Variants in EPHA3 observed in about 807,000 individuals in gnomAD.
EPHA3 encodes the protein ephrin type-A receptor 3.
Under a neutral mutation model 107.1 loss-of-function variants are expected in EPHA3, and 42 were observed. That is an observed-to-expected ratio of 0.39 (90% CI 0.31 to 0.51). EPHA3 has a LOEUF of 0.51. Among genes scored for constraint, EPHA3 ranks in the 20% least tolerant of loss-of-function variants. The probability of loss-of-function intolerance (pLI) is 0.78; values close to 1 mark genes in which losing one functional copy is unlikely to be tolerated. For missense variants in EPHA3, 1,183 were observed against 1,211.2 expected (o/e 0.98, Z 0.35); for synonymous variants, 461 against 424.8 (o/e 1.09, Z -1.05).
At chr3:89,367,348 C>T (rs1708204654) in intron 5 of EPHA3, among the ~76,000 whole-genome samples, 1 of 150,446 alleles carries the variant, frequency 6.6e-6, no homozygotes, top group South Asian at 2.1e-4. Flanking sequence ...AGGATGTTTC[C>T]CATTTCTTCA....
intron 9 of EPHA3, 139 bp from the exon 10 acceptor site, chr3:89,413,002 G>A (rs1179325669): frequency 9.0e-7 from 1 of 1,107,572 alleles, no homozygotes; most frequent in African/African-American, 1.6e-5. Flanking sequence ...GCCAGTTTCT[G>A]TGATACTACA....
At chr3:89,117,178 T>C (rs1707277747) in intron 1 of EPHA3, among the ~76,000 whole-genome samples, 1 of 152,116 alleles carries the variant, frequency 6.6e-6, no homozygotes, top group Non-Finnish European at 1.5e-5. Flanking sequence ...AGAAGGTTAA[T>C]ATAGGTTTTT....
Position 89,302,310 on chromosome 3 carries a change from T to A in EPHA3, c.815-38606T>A, listed in dbSNP as rs561498048. ...GTGACATGGTTTTCCCTACTTACAG[T>A]TCCTTTCCCTTCATTCATAACCTTT... On this transcript the variant is annotated intron_variant, in intron 3 of 16. Transcript: ENST00000336596. 6.4e-4 allele frequency among the ~76,000 whole-genome samples: 98 copies of A among 152,178 alleles called. 2 individuals carry two copies. The highest frequency in any genetic ancestry group is 2.5e-4 in the Non-Finnish European group (17 of 68,000).
At chr3:89,283,746 T>C (rs768563758) in intron 3 of EPHA3, among the ~76,000 whole-genome samples, 2 of 152,134 alleles carry the variant, frequency 1.3e-5, no homozygotes, top group African/African-American at 4.8e-5. Context: ...AGAATTGATG[T>C]TCTATAAACA....
intron 3 of EPHA3, among the ~76,000 whole-genome samples, chr3:89,236,678 A>T (rs1299320960): frequency 1.3e-5 from 2 of 151,926 alleles, no homozygotes; most frequent in Non-Finnish European, 2.9e-5. Flanking sequence ...ACATGTATAC[A>T]TATGTAACTA....
At chr3:89,474,366 C>G (rs1474055550) in intron 16 of EPHA3, among the ~76,000 whole-genome samples, 1 of 152,150 alleles carries the variant, frequency 6.6e-6, no homozygotes, top group Non-Finnish European at 1.5e-5. Context: ...CGACAGTACA[C>G]TTGGGTTTCT....
intron 3 of EPHA3, among the ~76,000 whole-genome samples, chr3:89,271,989 T>C (rs1705680424): frequency 6.6e-6 from 1 of 151,924 alleles, no homozygotes; most frequent in African/African-American, 2.4e-5. Context: ...ATTTAATAAA[T>C]AGCAAATATA....
At chr3:89,459,870 G>A (rs781334602) in intron 15 of EPHA3, among the ~76,000 whole-genome samples, 2 of 152,058 alleles carry the variant, frequency 1.3e-5, no homozygotes, top group African/African-American at 4.8e-5. Flanking sequence ...ATGCCACCAT[G>A]AAAATAAATA....
In EPHA3 at chr3:89,481,579, A is replaced by G; in HGVS notation, c.*2077A>G. The G allele has an allele frequency of 4.3e-6, 1 of 232,676 alleles. No individual in the cohort carries two copies. Among genetic ancestry groups the G allele is most frequent in the Non-Finnish European group, 8.5e-6 (1 of 117,498 alleles). The allele number at this position is 232,676 out of a possible 1,614,324, so 14.4% of individuals were successfully genotyped here. A position where few individuals can be genotyped will look rare whatever the true frequency, so the allele number is the denominator to read the frequency against. ...ACCCATGCATTTCATAAACTAATAG[A>G]AGTTGAGGATTGTTGAATCTATTTC... On this transcript the variant is annotated 3_prime_UTR_variant, in exon 17 of 17. Coordinates refer to ENST00000336596, the MANE Select transcript of EPHA3 (RefSeq NM_005233.6).
intron 16 of EPHA3, 81 bp from the exon 17 acceptor site, chr3:89,479,316 G>A: frequency 9.2e-7 from 1 of 1,082,748 alleles, no homozygotes; most frequent in Non-Finnish European, 1.4e-6. Context: ...ATATAACATC[G>A]TGCAAATTGT....
At chr3:89,294,069 T>C (rs1223425908) in intron 3 of EPHA3, among the ~76,000 whole-genome samples, 1 of 152,092 alleles carries the variant, frequency 6.6e-6, no homozygotes, top group African/African-American at 2.4e-5. Flanking sequence ...GAAATACAGG[T>C]AGAGGGTAAG....
At position 89,470,636 on chromosome 3, in the gene EPHA3, A is replaced by G. The variant is rs745409735; in HGVS notation, c.2691-1828A>G. On this transcript the variant is annotated intron_variant, in intron 15 of 16. Transcript: ENST00000336596. ...TTCCAGTATCTGTGCACTAAACTTC[A>G]GGGCATATAAACATCGAATATGCCA... Among the ~76,000 whole-genome samples the G allele has an allele frequency of 5.8e-4, 89 of 152,214 alleles. 4 individuals are homozygous for G. Among genetic ancestry groups the G allele is most frequent in the Non-Finnish European group, 2.6e-4 (18 of 68,034 alleles).
At position 89,450,422 on chromosome 3, in the gene EPHA3, A is replaced by G. The variant is rs186286296; in HGVS notation, c.2690+52A>G. The G allele has an allele frequency of 2.4e-4, 370 of 1,557,916 alleles. No individual in the cohort carries two copies. The African/African-American group carries it at 4.3e-3, about 18-fold the overall frequency. ...ATTCACTCTGAAATTTGTGTTTGCTATCTCCAAGATGTTAATTTTTTTAGC... is the reference window on the plus strand; with the variant it reads ...ATTCACTCTGAAATTTGTGTTTGCTGTCTCCAAGATGTTAATTTTTTTAGC... On this transcript the variant is annotated intron_variant, in intron 15 of 16. Coordinates refer to ENST00000336596, the MANE Select transcript of EPHA3 (RefSeq NM_005233.6).
At chr3:89,320,863 C>T (rs1707026411) in intron 3 of EPHA3, among the ~76,000 whole-genome samples, 1 of 151,992 alleles carries the variant, frequency 6.6e-6, no homozygotes, top group South Asian at 2.1e-4. Context: ...TCAGTAGTTG[C>T]TGTGTATTCC....
intron 1 of EPHA3, among the ~76,000 whole-genome samples, chr3:89,117,628 C>T (rs541531703): frequency 3.4e-4 from 52 of 151,960 alleles, no homozygotes; most frequent in Non-Finnish European, 6.2e-4. Context: ...ACAGTATTGT[C>T]CTCTTACAAA....
At chr3:89,356,553 C>T (rs1324569648) in intron 5 of EPHA3, among the ~76,000 whole-genome samples, 2 of 151,390 alleles carry the variant, frequency 1.3e-5, no homozygotes, top group Admixed American at 1.3e-4. Flanking sequence ...TGATACATTT[C>T]TTTGGTGTGA....
Position 89,472,504 on chromosome 3 carries a change from A to C in EPHA3, c.2731A>C (p.Thr911Pro). The change falls in exon 16 of 17, where the codon ACT (threonine) becomes CCT (proline). Residue 911 changes from threonine (T) to proline (P), a missense_variant. By Grantham distance (38) the Thr-to-Pro change is conservative. Coordinates refer to ENST00000336596, the MANE Select transcript of EPHA3 (RefSeq NM_005233.6). ...LLLDQSNVDI[T>P]TFRTTGDWLN... ...TCTGGACCAAAGCAATGTGGATATC[A>C]CTACCTTCCGCACAACAGGTGACTG... 1 of 1,614,062 alleles carries C rather than the reference A, an allele frequency of 6.2e-7. No individual in the cohort carries two copies. Among genetic ancestry groups the C allele is most frequent in the Non-Finnish European group, 8.5e-7 (1 of 1,179,986 alleles).
chr3:89,272,701 C>G (rs1705703814), intron 3 of EPHA3, among the ~76,000 whole-genome samples: 1 of 151,818 alleles, frequency 6.6e-6, no homozygotes, highest in African/African-American at 2.4e-5. Context: ...TTTACTTGGT[C>G]CACATTTTAC....
chr3:89,197,274 C>A (rs1559595605), intron 2 of EPHA3, among the ~76,000 whole-genome samples: 1 of 152,008 alleles, frequency 6.6e-6, no homozygotes, highest in Non-Finnish European at 1.5e-5. Flanking sequence ...TAGCAGGTAA[C>A]AACTGTGTAA....
Sources: gnomAD v4.1 joint callset for allele counts (sites outside exome capture counted in the v4.1 genomes callset) on GRCh38, gnomAD v4.1.1 for gene constraint, MANE v1.5 for transcripts, NCBI Gene and HGNC (gene_info 2026-07-23, HGNC 2026-07-21) for gene names.